The following PRELID2 variants were observed in gnomAD, a reference collection of about 807,000 sequenced individuals.
The protein encoded by PRELID2 is PRELI domain-containing protein 2.
Under a neutral mutation model 28.4 loss-of-function variants are expected in PRELID2, and 25 were observed. That is an observed-to-expected ratio of 0.88 (90% CI 0.64 to 1.23). PRELID2 has a LOEUF of 1.23. Among genes scored for constraint, PRELID2 ranks in the 50% most tolerant of loss-of-function variants. The pLI, the probability that PRELID2 is intolerant of heterozygous loss-of-function variation, is 0.00. For missense variants in PRELID2, 201 were observed against 214.4 expected (o/e 0.94, Z 0.39); for synonymous variants, 76 against 71.6 (o/e 1.06, Z -0.31).
intron 1 of PRELID2, among the ~76,000 whole-genome samples, chr5:145,638,661 A>C (rs1023427659): frequency 7.9e-5 from 12 of 152,200 alleles, no homozygotes; most frequent in African/African-American, 2.9e-4. Context: ...TTTTAAGCAG[A>C]TCTGTCTGGA....
intron 1 of PRELID2, among the ~76,000 whole-genome samples, chr5:145,652,865 T>A (rs1219500464): frequency 1.3e-5 from 2 of 152,112 alleles, no homozygotes; most frequent in South Asian, 2.1e-4. Context: ...TAACCAGCTA[T>A]CATCATAATG....
At chr5:145,324,133 A>G in the PRELID2 span, among the ~76,000 whole-genome samples, 1 of 152,218 alleles carries the variant, frequency 6.6e-6, no homozygotes, top group East Asian at 1.9e-4. Context: ...TAATGGGGAA[A>G]TCAGACCTAG....
chr5:145,828,457 G>T (rs182082312), intron 1 of PRELID2, among the ~76,000 whole-genome samples: 270 of 152,232 alleles, frequency 1.8e-3, no homozygotes, highest in Non-Finnish European at 2.6e-3. Context: ...AAAATGATTA[G>T]AAGATAATAT....
At chr5:145,417,430 G>T in the PRELID2 span, among the ~76,000 whole-genome samples, 1 of 151,996 alleles carries the variant, frequency 6.6e-6, no homozygotes, top group African/African-American at 2.4e-5. Context: ...CCAAAACCTG[G>T]CAGAGATACA....
At chr5:145,580,370 T>A (rs541693164) in intron 1 of PRELID2, among the ~76,000 whole-genome samples, 7 of 152,108 alleles carry the variant, frequency 4.6e-5, no homozygotes, top group Non-Finnish European at 8.8e-5. Context: ...ACTTCAGTGT[T>A]CATGGATGTC....
At chr5:145,729,398 G>C (rs1756269838) in intron 1 of PRELID2, 2 of 434,178 alleles carry the variant, frequency 4.6e-6, no homozygotes, top group Admixed American at 3.3e-5. Flanking sequence ...GGTTACCCAT[G>C]AAACTGAAGC....
At chr5:145,335,982 G>T in the PRELID2 span, among the ~76,000 whole-genome samples, 6 of 152,188 alleles carry the variant, frequency 3.9e-5, no homozygotes, top group African/African-American at 1.4e-4. Flanking sequence ...GTGTGAGATG[G>T]TATCTCATTG....
chr5:145,395,050 T>A, the PRELID2 span, among the ~76,000 whole-genome samples: 1 of 152,120 alleles, frequency 6.6e-6, no homozygotes, highest in Non-Finnish European at 1.5e-5. Context: ...GGCTGCAATG[T>A]ACTACTATGC....
At chr5:145,723,844 C>T (rs922190184) in intron 1 of PRELID2, among the ~76,000 whole-genome samples, 10 of 152,130 alleles carry the variant, frequency 6.6e-5, no homozygotes, top group African/African-American at 2.4e-4. Flanking sequence ...AATCTAGAAA[C>T]TTACCCTGAA....
At chr5:145,786,898 T>C (rs1752027184) in intron 5 of PRELID2, among the ~76,000 whole-genome samples, 2 of 152,324 alleles carry the variant, frequency 1.3e-5, no homozygotes, top group Middle Eastern at 3.4e-3. Flanking sequence ...TATTCTGATT[T>C]CTTTAGCTGT....
the PRELID2 span, among the ~76,000 whole-genome samples, chr5:145,277,347 T>C: frequency 6.6e-6 from 1 of 152,212 alleles, no homozygotes; most frequent in African/African-American, 2.4e-5. Context: ...GAAATATGTT[T>C]TGTGATATAG....
chr5:145,639,331 AG>A (rs1754056463), intron 1 of PRELID2, among the ~76,000 whole-genome samples: 1 of 152,186 alleles, frequency 6.6e-6, no homozygotes, highest in Non-Finnish European at 1.5e-5. Context: ...CTAAGAAGAA[AG>A]AACACAGCTT....
At chr5:145,547,648 G>GTACTTAT (rs1489471453) in intron 1 of PRELID2, among the ~76,000 whole-genome samples, 1 of 152,022 alleles carries the variant, frequency 6.6e-6, no homozygotes, top group Non-Finnish European at 1.5e-5. Context: ...TATTTGCAAG[G>GTACTTAT]TTGCAACAGA....
intron 5 of PRELID2, among the ~76,000 whole-genome samples, chr5:145,785,837 T>A (rs1434003315): frequency 6.6e-6 from 1 of 152,170 alleles, no homozygotes; most frequent in Non-Finnish European, 1.5e-5. Context: ...AGGGATGGCA[T>A]CCACAGTTTA....
the PRELID2 span, among the ~76,000 whole-genome samples, chr5:145,300,102 C>T: frequency 6.6e-6 from 1 of 151,966 alleles, no homozygotes; most frequent in East Asian, 1.9e-4. Flanking sequence ...CTGTGTATAT[C>T]ACTAACTGTA....
At chr5:145,572,281 G>C (rs1753021176) in intron 1 of PRELID2, among the ~76,000 whole-genome samples, 4 of 152,176 alleles carry the variant, frequency 2.6e-5, no homozygotes, top group African/African-American at 7.2e-5. Flanking sequence ...TCCATAAAAT[G>C]TATAAATCTA....
intron 1 of PRELID2, among the ~76,000 whole-genome samples, chr5:145,708,742 A>C (rs768655915): frequency 3.3e-5 from 5 of 152,254 alleles, no homozygotes; most frequent in Non-Finnish European, 7.3e-5. Flanking sequence ...AGTAATGCTT[A>C]ATCTGTTCTA....
the PRELID2 span, among the ~76,000 whole-genome samples, chr5:145,255,012 C>T: frequency 2.0e-5 from 3 of 151,942 alleles, no homozygotes; most frequent in Non-Finnish European, 4.4e-5. Flanking sequence ...GCCAGCTCAC[C>T]TATAGACTAC....
intron 1 of PRELID2, among the ~76,000 whole-genome samples, chr5:145,561,504 A>G (rs1260544384): frequency 6.6e-6 from 1 of 152,222 alleles, no homozygotes; most frequent in Non-Finnish European, 1.5e-5. Flanking sequence ...CTTATGCCTT[A>G]AGTGAGTTTT....
Sources: gnomAD v4.1 joint callset for allele counts (sites outside exome capture counted in the v4.1 genomes callset) on GRCh38, gnomAD v4.1.1 for gene constraint, MANE v1.5 for transcripts, NCBI Gene and HGNC (gene_info 2026-07-23, HGNC 2026-07-21) for gene names.